Variants in KPNA4 observed in about 807,000 individuals in gnomAD.
The protein encoded by KPNA4 is importin subunit alpha-3.
Under a neutral mutation model 71.3 loss-of-function variants are expected in KPNA4, and 13 were observed. That is an observed-to-expected ratio of 0.18 (90% CI 0.12 to 0.29). The LOEUF (loss-of-function observed/expected upper bound fraction) is 0.29, where lower values mean the gene tolerates loss of function less well. KPNA4 is among the 10% of genes least tolerant of loss of function. KPNA4 has a pLI of 1.00. For synonymous variants in KPNA4, 189 were observed against 195.2 expected (o/e 0.97, Z 0.26); for missense variants, 334 against 603.2 (o/e 0.55, Z 4.67).
intron 13 of KPNA4, among the ~76,000 whole-genome samples, chr3:160,513,176 C>T (rs1721134379): frequency 6.6e-6 from 1 of 150,948 alleles, no homozygotes; most frequent in Non-Finnish European, 1.5e-5. Flanking sequence ...CACAGAGAAA[C>T]AGATTTATCT....
chr3:160,515,354 GAATC>G, intron 12 of KPNA4, 94 bp downstream of exon 12: 1 of 1,099,306 alleles, frequency 9.1e-7, no homozygotes, highest in Non-Finnish European at 1.3e-6. Context: ...TTTGTATTAA[GAATC>G]AATATTACAG....
Position 160,535,965 on chromosome 3 carries a change from T to C in KPNA4, c.115-68A>G, listed in dbSNP as rs1026168810. On this transcript the variant is annotated intron_variant, in intron 2 of 16. Coordinates refer to ENST00000334256, the MANE Select transcript of KPNA4 (RefSeq NM_002268.5). ...TGAGTTAAAAAGAAAACCTGAATAC[T>C]TTCATACAAAGCTCAGGCAATCCTG... The C allele has an allele frequency of 6.4e-6, 7 of 1,100,178 alleles. No individual in the cohort carries two copies. In the African/African-American group the frequency reaches 1.2e-4, roughly 18 times the overall value. 68.2% of individuals were successfully genotyped at this position (1,100,178 alleles called of 1,614,324 possible).
At chr3:160,519,830 G>A (rs1434290712) in intron 11 of KPNA4, among the ~76,000 whole-genome samples, 10 of 146,032 alleles carry the variant, frequency 6.8e-5, no homozygotes, top group Admixed American at 5.4e-4. Context: ...AAAAAAATAG[G>A]CTTAAATTTT....
chr3:160,523,853 A>G (rs1043765821), intron 10 of KPNA4, among the ~76,000 whole-genome samples: 6 of 152,322 alleles, frequency 3.9e-5, no homozygotes, highest in African/African-American at 9.6e-5. Flanking sequence ...TCTGTCTCAA[A>G]AAGAAAAAAA....
chr3:160,544,064 GC>G (rs1721858420), intron 1 of KPNA4, among the ~76,000 whole-genome samples: 1 of 152,078 alleles, frequency 6.6e-6, no homozygotes, highest in African/African-American at 2.4e-5. Flanking sequence ...TATCACATTG[GC>G]CAGACTGGTC....
rs560062465 is a variant in KPNA4 at position 160,557,393 on chromosome 3, A to G, written c.69+7821T>C. ...CATAAAGAGTAGATATGTGCAAACT[A>G]AAGTTTTTATTAAAGAACAGGACAC... On this transcript the variant is annotated intron_variant, in intron 1 of 16. Coordinates refer to ENST00000334256, the MANE Select transcript of KPNA4 (RefSeq NM_002268.5). Among the ~76,000 whole-genome samples the G allele has an allele frequency of 3.9e-5, 6 of 152,340 alleles. No homozygotes were observed. The South Asian group carries it at 6.2e-4, about 16-fold the overall frequency.
chr3:160,532,908 C>T (rs112701833), intron 5 of KPNA4, among the ~76,000 whole-genome samples: 1,852 of 152,278 alleles, frequency 0.012, 20 homozygotes, highest in Middle Eastern at 0.02. Flanking sequence ...CTTGAAATGC[C>T]CGGTCTTCTA....
chr3:160,556,223 C>T (rs1358973123), intron 1 of KPNA4, among the ~76,000 whole-genome samples: 1 of 152,224 alleles, frequency 6.6e-6, no homozygotes, highest in African/African-American at 2.4e-5. Context: ...TTGCAATTCT[C>T]CTGGATTTAT....
chr3:160,512,343 G>C (rs1721112109), intron 13 of KPNA4, among the ~76,000 whole-genome samples: 1 of 152,024 alleles, frequency 6.6e-6, no homozygotes, highest in Non-Finnish European at 1.5e-5. Context: ...GGAACAAACA[G>C]AGTATCAAAA....
intron 1 of KPNA4, among the ~76,000 whole-genome samples, chr3:160,538,161 ATG>A (rs1721727421): frequency 6.7e-6 from 1 of 150,226 alleles, no homozygotes; most frequent in Non-Finnish European, 1.5e-5. Context: ...ATATGTATAT[ATG>A]TGTGTATATA....
chr3:160,560,174 C>A (rs1346261064), intron 1 of KPNA4, among the ~76,000 whole-genome samples: 1 of 152,042 alleles, frequency 6.6e-6, no homozygotes, highest in African/African-American at 2.4e-5. Flanking sequence ...TGAAAGAAGT[C>A]AAATGGAGGA....
chr3:160,497,241 C>T lies in KPNA4; in HGVS notation c.*4863G>A, dbSNP rs1720783864. ...ACCAGCCTGGCCAATACGGTGAAAC[C>T]CCATTTCTACTAAAAATACAAAAAT... On this transcript the variant is annotated 3_prime_UTR_variant, in exon 17 of 17. Coordinates refer to ENST00000334256, the MANE Select transcript of KPNA4 (RefSeq NM_002268.5). The T allele has an allele frequency of 6.6e-6, 1 of 152,120 alleles. No homozygotes were observed. Among genetic ancestry groups the T allele is most frequent in the Admixed American group, 6.6e-5 (1 of 15,262 alleles). The allele number at this position is 152,120 out of a possible 1,614,324, so 9.4% of individuals were successfully genotyped here.
intron 14 of KPNA4, among the ~76,000 whole-genome samples, chr3:160,508,612 G>A (rs1721032524): frequency 6.6e-6 from 1 of 151,946 alleles, no homozygotes; most frequent in South Asian, 2.1e-4. Context: ...GAGGCTGTAT[G>A]CTATTTTTAA....
At position 160,505,035 on chromosome 3, in the gene KPNA4, GT is replaced by G; in HGVS notation, c.1389del (p.Glu463AspfsTer72). On this transcript the variant is annotated frameshift_variant, in exon 16 of 17. Transcript: ENST00000334256. LOFTEE classifies it high-confidence loss of function. ...IEECGGLEKI[E>X]QLQNHENEDI... Reference sequence around the variant, plus strand: ...TCTTCATTTTCATGATTTTGAAGTTGTTCAATTTTCTCCAGCCCTGCAAGAA... The same window carrying G: ...TCTTCATTTTCATGATTTTGAAGTTGTCAATTTTCTCCAGCCCTGCAAGAA... 1 of 1,551,828 alleles carries G rather than the reference GT, an allele frequency of 6.4e-7. No homozygotes were observed. The highest frequency in any genetic ancestry group is 8.7e-7 in the Non-Finnish European group (1 of 1,148,368).
Position 160,514,089 on chromosome 3 carries a change from G to T in KPNA4, c.1125C>A (p.His375Gln). The T allele has an allele frequency of 1.9e-6, 3 of 1,565,750 alleles. No homozygotes were observed. Among genetic ancestry groups the T allele is most frequent in the South Asian group, 1.2e-5 (1 of 82,574 alleles). The change falls in exon 13 of 17, where the codon CAC becomes CAA. Residue 375 changes from histidine (H) to glutamine (Q), a missense_variant. His to Gln is a conservative substitution (Grantham distance 24). Transcript: ENST00000334256. ...ATGATTTTCTTACCTTATCCAAAAG[G>T]TGTATTATCATTGGTACAAGATTGG... Reference protein sequence around the residue: ...IDANLVPMIIHLLDKGDFGTQ... With the variant: ...IDANLVPMIIQLLDKGDFGTQ...
At chr3:160,563,324 G>A (rs934320556) in intron 1 of KPNA4, among the ~76,000 whole-genome samples, 1 of 152,206 alleles carries the variant, frequency 6.6e-6, no homozygotes, top group East Asian at 1.9e-4. Flanking sequence ...TATATGGGAT[G>A]TCCAGGATAG....
chr3:160,529,975 A>G (rs946792584), intron 7 of KPNA4, among the ~76,000 whole-genome samples: 1 of 151,586 alleles, frequency 6.6e-6, no homozygotes, highest in Admixed American at 6.6e-5. Context: ...CTCTACTAAA[A>G]ATACAAAAAA....
chr3:160,519,041 T>C (rs960301245), intron 11 of KPNA4, among the ~76,000 whole-genome samples: 4 of 152,204 alleles, frequency 2.6e-5, no homozygotes, highest in Non-Finnish European at 5.9e-5. Flanking sequence ...TCAAGATCAT[T>C]TGGCTATTTC....
At chr3:160,543,887 C>A (rs560047053) in intron 1 of KPNA4, among the ~76,000 whole-genome samples, 1 of 151,194 alleles carries the variant, frequency 6.6e-6, no homozygotes, top group South Asian at 2.1e-4. Flanking sequence ...GATGGAGTTT[C>A]GCTCTTGCTG....
Sources: allele counts gnomAD v4.1 joint callset (sites outside exome capture counted in the v4.1 genomes callset), GRCh38; gene constraint gnomAD v4.1.1; transcripts MANE v1.5; gene names NCBI Gene and HGNC (gene_info 2026-07-23, HGNC 2026-07-21).